VCPIP1: variants seen among roughly 807,000 people sequenced by gnomAD.
VCPIP1 encodes deubiquitinating protein VCPIP1.
VCPIP1 carries 8 observed loss-of-function variants against 85.0 expected under a neutral mutation model. The ratio of observed to expected loss-of-function variants is 0.09; its 90% confidence interval spans 0.06 to 0.17. VCPIP1 has a LOEUF of 0.17. Among genes scored for constraint, VCPIP1 ranks in the 10% least tolerant of loss-of-function variants. The probability of loss-of-function intolerance (pLI) is 1.00; values close to 1 mark genes in which losing one functional copy is unlikely to be tolerated. For missense variants in VCPIP1, 1,070 were observed against 1,486.3 expected (o/e 0.72, Z 4.61); for synonymous variants, 543 against 544.5 (o/e 1.00, Z 0.04).
In VCPIP1 at chr8:66,666,862, A is replaced by G. The variant is rs767193009; in HGVS notation, c.97T>C (p.Ser33Pro). ...TPSSLASAAA[S>P]GGLLKRRDRR... is the part of the protein sequence containing the mutation. ...TCTCTCCGCTTCAAAAGCCCCCCCG[A>G]AGCAGCCGCCGACGCCAAGGACGAC... The change falls in exon 1 of 3, where the codon TCG becomes CCG. Residue 33 changes from serine to proline, a missense_variant. By Grantham distance (74) the Ser-to-Pro change is moderately conservative. Transcript: ENST00000310421. The surrounding 1 kb of genome is among the most constrained non-coding windows in gnomAD (Gnocchi z 6.3). 1.2e-6 allele frequency: 2 copies of G among 1,612,952 alleles called. No homozygotes were observed. Among genetic ancestry groups the G allele is most frequent in the East Asian group, 4.5e-5 (2 of 44,864 alleles).
chr8:66,635,417 T>C, intron 2 of VCPIP1, 45 bp from the exon 3 acceptor site: 1 of 1,503,634 alleles, frequency 6.7e-7, no homozygotes, highest in African/African-American at 1.4e-5. Context: ...TCTTAAGGTA[T>C]TAATAAAAGT....
chr8:66,644,514 G>T (rs1810975860), intron 2 of VCPIP1, among the ~76,000 whole-genome samples: 1 of 151,962 alleles, frequency 6.6e-6, no homozygotes, highest in East Asian at 1.9e-4. Flanking sequence ...AACAAACCCA[G>T]GAATAGAAAG....
chr8:66,639,099 G>A (rs934406410), intron 2 of VCPIP1, among the ~76,000 whole-genome samples: 3 of 150,078 alleles, frequency 2.0e-5, no homozygotes, highest in Non-Finnish European at 3.0e-5. Flanking sequence ...ATCCTCCCAC[G>A]TCAGCCTCAC....
intron 2 of VCPIP1, among the ~76,000 whole-genome samples, chr8:66,640,422 T>C (rs1397306010): frequency 1.3e-5 from 2 of 152,192 alleles, no homozygotes; most frequent in Admixed American, 1.3e-4. Flanking sequence ...CAGAATTTGA[T>C]CTCAAATGTT....
intron 2 of VCPIP1, among the ~76,000 whole-genome samples, chr8:66,647,658 T>A (rs1238297315): frequency 6.6e-6 from 1 of 152,068 alleles, no homozygotes; most frequent in Non-Finnish European, 1.5e-5. Flanking sequence ...TAATTCATCC[T>A]TTTCAGGTGT....
At chr8:66,651,570 T>C in intron 1 of VCPIP1, 26 bp from the exon 2 acceptor site, 1 of 1,589,976 alleles carries the variant, frequency 6.3e-7, no homozygotes. Context: ...AGATATAGTA[T>C]TAGCAACAAA....
In VCPIP1 at chr8:66,650,879, A is replaced by AG. The variant is rs1811046452; in HGVS notation, c.2797+578_2797+579insC. ...TCGTCTCAAAAAAAAAAAAAAAAAA[A>AG]AAAAAAAAAAGAATCATACACATGG... On this transcript the variant is annotated intron_variant, in intron 2 of 2. Coordinates refer to ENST00000310421, the MANE Select transcript of VCPIP1 (RefSeq NM_025054.5). Among the ~76,000 whole-genome samples the AG allele has an allele frequency of 3.4e-5, 5 of 149,128 alleles. No individual in the cohort carries two copies. The South Asian group carries it at 8.5e-4, about 25-fold the overall frequency.
At chr8:66,660,649 T>C (rs1811146203) in intron 1 of VCPIP1, among the ~76,000 whole-genome samples, 1 of 152,222 alleles carries the variant, frequency 6.6e-6, no homozygotes, top group Non-Finnish European at 1.5e-5. Flanking sequence ...CATTTTCTAG[T>C]CCTCTCCAAT....
chr8:66,652,387 G>GCCTGGGGT (rs1811062895), intron 1 of VCPIP1, among the ~76,000 whole-genome samples: 1 of 152,200 alleles, frequency 6.6e-6, no homozygotes, highest in Non-Finnish European at 1.5e-5. Flanking sequence ...GCCCAGGCAG[G>GCCTGGGGT]CAGATCACCT....
chr8:66,667,219 C>T lies in VCPIP1; in HGVS notation c.-261G>A, dbSNP rs2130191181. ...TCACACTCACTCACTCTCGCTCTCT[C>T]TCCCTCAGACACAGACATACACGCC... On this transcript the variant is annotated 5_prime_UTR_variant, in exon 1 of 3. Transcript: ENST00000310421. The T allele has an allele frequency of 3.2e-6, 2 of 623,090 alleles. No homozygotes were observed. Among genetic ancestry groups the T allele is most frequent in the Non-Finnish European group, 5.1e-6 (2 of 393,328 alleles). 38.6% of individuals were successfully genotyped at this position (623,090 alleles called of 1,614,324 possible). A position where few individuals can be genotyped will look rare whatever the true frequency, so the allele number is the denominator to read the frequency against.
At chr8:66,640,500 C>T (rs971566765) in intron 2 of VCPIP1, among the ~76,000 whole-genome samples, 1 of 152,156 alleles carries the variant, frequency 6.6e-6, no homozygotes, top group African/African-American at 2.4e-5. Context: ...TAGTGGAGGC[C>T]CACCCTCAAG....
At chr8:66,654,686 C>T (rs568041372) in intron 1 of VCPIP1, among the ~76,000 whole-genome samples, 1 of 152,266 alleles carries the variant, frequency 6.6e-6, no homozygotes, top group South Asian at 2.1e-4. Context: ...TTGCACAAGT[C>T]CTGCACCACT....
At chr8:66,649,514 C>CA (rs1327680611) in intron 2 of VCPIP1, among the ~76,000 whole-genome samples, 3 of 151,808 alleles carry the variant, frequency 2.0e-5, no homozygotes, top group African/African-American at 4.8e-5. Flanking sequence ...GTCTCTAAAA[C>CA]AAAAAAACAG....
Position 66,666,939 on chromosome 8 carries a change from G to A in VCPIP1, c.20C>T (p.Pro7Leu), listed in dbSNP as rs775158969. The A allele has an allele frequency of 1.3e-6, 2 of 1,576,610 alleles. No individual in the cohort carries two copies. Among genetic ancestry groups the A allele is most frequent in the South Asian group, 2.3e-5 (2 of 87,680 alleles). Reference protein sequence around the residue: MSQPPPPPPPLPPPPPP... With the variant: MSQPPPLPPPLPPPPPP... ...AGGTGGCGGCGGCAACGGAGGCGGC[G>A]GCGGCGGCGGCTGAGACATAGCTCC... Residue 7 changes from proline to leucine, a missense_variant, in exon 1 of 3, where the codon CCG (proline) becomes CTG (leucine). Transcript: ENST00000310421. This position sits in a 1 kb window ranked among gnomAD's most constrained non-coding sequence, Gnocchi z 6.3.
chr8:66,664,648 T>A lies in VCPIP1; in HGVS notation c.2311A>T (p.Thr771Ser). The A allele has an allele frequency of 1.2e-6, 2 of 1,613,540 alleles. No individual in the cohort carries two copies. The highest frequency in any genetic ancestry group is 1.7e-6 in the Non-Finnish European group (2 of 1,179,744). The change falls in exon 1 of 3, where the codon ACT becomes TCT. Residue 771 changes from threonine to serine, a missense_variant. Thr to Ser is a moderately conservative substitution (Grantham distance 58). Around this residue, in one of 8 missense-constraint regions of VCPIP1, gnomAD observed 278 missense variants for 298.5 expected, o/e 0.93. Coordinates refer to ENST00000310421, the MANE Select transcript of VCPIP1 (RefSeq NM_025054.5). ...ATTCGGATCTTCTTCTCCTTAGAAG[T>A]TGTCGGTGAATAGGGAGCCTTGGTA... Reference protein sequence around the residue: ...TPTKAPYSPTTSKEKKIRITT... With the variant: ...TPTKAPYSPTSSKEKKIRITT...
chr8:66,637,485 CAAA>C (rs59405974), intron 2 of VCPIP1, among the ~76,000 whole-genome samples: 15 of 91,752 alleles, frequency 1.6e-4, no homozygotes, highest in Admixed American at 2.4e-4. Flanking sequence ...GACTCCATCT[CAAA>C]AAAAAAAAAA....
intron 2 of VCPIP1, among the ~76,000 whole-genome samples, chr8:66,639,166 G>A (rs1435403477): frequency 6.6e-6 from 1 of 151,102 alleles, no homozygotes; most frequent in African/African-American, 2.4e-5. Context: ...TCTATTTTTA[G>A]TAGAGACAGG....
At chr8:66,635,719 C>T (rs1024337880) in intron 2 of VCPIP1, among the ~76,000 whole-genome samples, 1 of 151,742 alleles carries the variant, frequency 6.6e-6, no homozygotes, top group African/African-American at 2.4e-5. Flanking sequence ...CGAGACCAGC[C>T]TGGCCAACGT....
At chr8:66,646,660 G>A (rs1810998220) in intron 2 of VCPIP1, among the ~76,000 whole-genome samples, 1 of 152,094 alleles carries the variant, frequency 6.6e-6, no homozygotes, top group Non-Finnish European at 1.5e-5. Flanking sequence ...GCCAGGTGTG[G>A]TGGTGTACGC....
Sources: gnomAD v4.1 joint callset for allele counts (sites outside exome capture counted in the v4.1 genomes callset) on GRCh38, gnomAD v4.1.1 for gene constraint, gnomAD v4.1.1 regional missense constraint, Gnocchi (gnomAD v3.1) non-coding constraint, MANE v1.5 for transcripts, NCBI Gene and HGNC (gene_info 2026-07-23, HGNC 2026-07-21) for gene names.